WWOX: variants seen among roughly 807,000 people sequenced by gnomAD.
WWOX encodes the protein WW domain-containing oxidoreductase.
In WWOX, 69 loss-of-function variants were observed where a neutral mutation model predicts 46.2. That is an observed-to-expected ratio of 1.49 (90% CI 1.23 to 1.82). The LOEUF (loss-of-function observed/expected upper bound fraction) is 1.82. WWOX is among the 40% of genes most tolerant of loss of function. The probability of loss-of-function intolerance (pLI) is 0.00; values close to 1 mark genes in which losing one functional copy is unlikely to be tolerated. For missense variants in WWOX, 919 were observed against 542.6 expected, an observed-to-expected ratio of 1.69 and a Z score of -6.89; for synonymous variants, 359 against 202.6, an observed-to-expected ratio of 1.77 and a Z score of -6.56.
intron 8 of WWOX, among the ~76,000 whole-genome samples, chr16:78,433,074 C>G (rs1050919123): frequency 5.3e-5 from 8 of 152,062 alleles, no homozygotes; most frequent in Non-Finnish European, 1.0e-4. Flanking sequence ...CTTTGAAAAT[C>G]TATTTTGTTG....
chr16:79,084,820 G>T (rs973208860), intron 8 of WWOX, among the ~76,000 whole-genome samples: 14 of 152,216 alleles, frequency 9.2e-5, no homozygotes, highest in Non-Finnish European at 1.6e-4. Context: ...GTGACATAAA[G>T]TAGGACATGT....
chr16:78,233,673 C>T (rs980463067), intron 5 of WWOX, among the ~76,000 whole-genome samples: 3 of 151,966 alleles, frequency 2.0e-5, no homozygotes, highest in Non-Finnish European at 2.9e-5. Context: ...ACTACAGGCG[C>T]CTGCCACTAC....
At chr16:78,736,150 A>G (rs1216337100) in intron 8 of WWOX, among the ~76,000 whole-genome samples, 2 of 152,296 alleles carry the variant, frequency 1.3e-5, no homozygotes, top group African/African-American at 2.4e-5. Flanking sequence ...AGAAGTGAAG[A>G]GAAGATGTGG....
At chr16:78,894,591 A>G (rs1308002405) in intron 8 of WWOX, among the ~76,000 whole-genome samples, 1 of 152,066 alleles carries the variant, frequency 6.6e-6, no homozygotes, top group Non-Finnish European at 1.5e-5. Flanking sequence ...CTTCTTTTTT[A>G]TTCCATGAAA....
At chr16:78,404,691 C>T (rs2082486118) in intron 6 of WWOX, among the ~76,000 whole-genome samples, 2 of 152,124 alleles carry the variant, frequency 1.3e-5, no homozygotes, top group South Asian at 4.1e-4. Context: ...CTTTTCCATC[C>T]AAGGGCACTA....
At chr16:78,391,074 G>A (rs1597151469) in intron 6 of WWOX, among the ~76,000 whole-genome samples, 2 of 152,126 alleles carry the variant, frequency 1.3e-5, no homozygotes, top group Admixed American at 6.5e-5. Context: ...CAGATTCTTA[G>A]TACAAACACT....
In WWOX at chr16:78,933,950, G is replaced by C. The variant is rs1374921202; in HGVS notation, c.1057-277658G>C. On this transcript the variant is annotated intron_variant, in intron 8 of 8. Transcript: ENST00000566780. ...CTCGCACCTGTAATCCCAGTGCTTT[G>C]GGAGGCCAAGGTGGGAGAATTACTT... is the stretch of plus-strand genomic sequence containing the variant. 3.9e-5 allele frequency among the ~76,000 whole-genome samples: 6 copies of C among 152,026 alleles called. No homozygotes were observed. The East Asian group carries it at 7.7e-4, about 20-fold the overall frequency.
At chr16:78,918,009 C>T (rs541570945) in intron 8 of WWOX, among the ~76,000 whole-genome samples, 32 of 152,198 alleles carry the variant, frequency 2.1e-4, no homozygotes, top group African/African-American at 7.5e-4. Context: ...TGAAACCAGA[C>T]TGGGCAACAC....
chr16:78,783,405 C>G (rs543019933), intron 8 of WWOX, among the ~76,000 whole-genome samples: 2 of 152,320 alleles, frequency 1.3e-5, no homozygotes, highest in Non-Finnish European at 2.9e-5. Context: ...GCTACACGAC[C>G]AAGAGACAGA....
chr16:79,050,116 G>C (rs913617100), intron 8 of WWOX, among the ~76,000 whole-genome samples: 3 of 152,168 alleles, frequency 2.0e-5, no homozygotes, highest in African/African-American at 7.2e-5. Context: ...GCGTAACCGT[G>C]TGGCAACTGA....
At chr16:78,873,302 T>A (rs915248581) in intron 8 of WWOX, 9 of 152,338 alleles carry the variant, frequency 5.9e-5, no homozygotes, top group African/African-American at 2.2e-4. Context: ...AGCTCCTAAT[T>A]GGAATTAAGA....
intron 5 of WWOX, among the ~76,000 whole-genome samples, chr16:78,363,323 C>T (rs4243154): frequency 0.63 from 94,596 of 150,928 alleles, 31,703 homozygotes; most frequent in Non-Finnish European, 0.77. Context: ...ACCCAGGCTG[C>T]AGTGCAGTGG....
At chr16:78,154,758 A>G (rs2034540383) in intron 4 of WWOX, among the ~76,000 whole-genome samples, 1 of 152,072 alleles carries the variant, frequency 6.6e-6, no homozygotes, top group Admixed American at 6.6e-5. Flanking sequence ...CACTTGACAT[A>G]GTAGGGTTTG....
chr16:78,404,458 C>T (rs576575368), intron 6 of WWOX, among the ~76,000 whole-genome samples: 6 of 152,132 alleles, frequency 3.9e-5, no homozygotes, highest in African/African-American at 1.4e-4. Context: ...GAACCAATTC[C>T]CTCTTTAAAT....
intron 5 of WWOX, among the ~76,000 whole-genome samples, chr16:78,368,208 G>A (rs1241662467): frequency 6.6e-6 from 1 of 152,172 alleles, no homozygotes; most frequent in Non-Finnish European, 1.5e-5. Context: ...TGTGAACAGA[G>A]GTTATGTTCT....
chr16:78,915,196 C>A (rs967137214), intron 8 of WWOX, among the ~76,000 whole-genome samples: 1 of 152,162 alleles, frequency 6.6e-6, no homozygotes, highest in Non-Finnish European at 1.5e-5. Flanking sequence ...CCACCACTCA[C>A]CCCAAATCAG....
At chr16:78,555,655 T>A (rs2044276462) in intron 8 of WWOX, among the ~76,000 whole-genome samples, 2 of 151,492 alleles carry the variant, frequency 1.3e-5, no homozygotes, top group South Asian at 4.2e-4. Context: ...GCTTTAGTCC[T>A]CTTATGAGCA....
chr16:78,143,748 G>T (rs1394361252), intron 4 of WWOX, among the ~76,000 whole-genome samples: 2 of 119,120 alleles, frequency 1.7e-5, no homozygotes, highest in Non-Finnish European at 3.5e-5. Flanking sequence ...AAAAGAATTG[G>T]TATGTTTTTT....
chr16:78,469,714 G>C (rs1254267703), intron 8 of WWOX, among the ~76,000 whole-genome samples: 1 of 152,154 alleles, frequency 6.6e-6, no homozygotes, highest in African/African-American at 2.4e-5. Flanking sequence ...CTGGGCCATG[G>C]GTTGTGTTTT....
Sources: gnomAD v4.1 joint callset for allele counts (sites outside exome capture counted in the v4.1 genomes callset) on GRCh38, gnomAD v4.1.1 for gene constraint, MANE v1.5 for transcripts, NCBI Gene and HGNC (gene_info 2026-07-23, HGNC 2026-07-21) for gene names.